EPC2: variants seen among roughly 807,000 people sequenced by gnomAD.
The protein encoded by EPC2 is enhancer of polycomb 2.
A neutral mutation model predicts 92.1 loss-of-function variants in EPC2; 14 were observed. That is an observed-to-expected ratio of 0.15 (90% CI 0.10 to 0.24). EPC2 has a LOEUF of 0.24. Ranked by LOEUF, EPC2 falls within the 10% of genes least tolerant of loss-of-function variation. The pLI, the probability that EPC2 is intolerant of heterozygous loss-of-function variation, is 1.00. For synonymous variants in EPC2, 340 were observed against 334.7 expected, an observed-to-expected ratio of 1.02 and a Z score of -0.17; for missense variants, 755 against 971.5, an observed-to-expected ratio of 0.78 and a Z score of 2.96.
At position 148,750,710 on chromosome 2, in the gene EPC2, G is replaced by T. The variant is rs184948924; in HGVS notation, c.460-3217G>T. ...TTAGAATCATAATTTCAGTGTGTTG[G>T]TTTTGAGCTGTGGTCATTCATTCTT... On this transcript the variant is annotated intron_variant, in intron 3 of 13. Transcript: ENST00000258484. Among the ~76,000 whole-genome samples the T allele has an allele frequency of 1.2e-3, 184 of 152,134 alleles. 3 individuals carry two copies. The highest frequency in any genetic ancestry group is 4.1e-3 in the African/African-American group (170 of 41,502).
chr2:148,781,994 A>G (rs1233280134), intron 11 of EPC2, among the ~76,000 whole-genome samples: 1 of 152,156 alleles, frequency 6.6e-6, no homozygotes, highest in Non-Finnish European at 1.5e-5. Flanking sequence ...GGAGCCAAAT[A>G]TGGTATTTTA....
chr2:148,645,884 G>A lies in EPC2; in HGVS notation c.153+714G>A, dbSNP rs961771500. On this transcript the variant is annotated intron_variant, in intron 1 of 13. Transcript: ENST00000258484. ...GTTAGAGAGGAGCCGGGGATGCCCG[G>A]AAGCGAGCCGCCGGCGTTGCGTTGT... 2.0e-4 allele frequency among the ~76,000 whole-genome samples: 31 copies of A among 152,264 alleles called. 1 individual carries two copies. Among genetic ancestry groups the A allele is most frequent in the Non-Finnish European group, 1.5e-4 (10 of 68,046 alleles).
chr2:148,713,155 T>C (rs1682187280), intron 2 of EPC2, among the ~76,000 whole-genome samples: 1 of 152,216 alleles, frequency 6.6e-6, no homozygotes, highest in African/African-American at 2.4e-5. Flanking sequence ...TCAAAAATTG[T>C]AAAACAGCCT....
rs188263470 is a variant in EPC2 at position 148,737,174 on chromosome 2, C to G, written c.314-6448C>G. On this transcript the variant is annotated intron_variant, in intron 2 of 13. Coordinates refer to ENST00000258484, the MANE Select transcript of EPC2 (RefSeq NM_015630.4). ...TTTTGCTTTTATTTCTTAGGGTATT[C>G]CCACTAGAAATGTACAGTCACTTTA... is the stretch of plus-strand genomic sequence containing the variant. Among the ~76,000 whole-genome samples, 343 of 152,202 alleles carry G rather than the reference C, an allele frequency of 2.3e-3. 2 individuals are homozygous for G. The highest frequency in any genetic ancestry group is 7.3e-3 in the African/African-American group (305 of 41,534).
chr2:148,736,010 G>C (rs1017001934), intron 2 of EPC2, among the ~76,000 whole-genome samples: 4 of 152,116 alleles, frequency 2.6e-5, no homozygotes, highest in Non-Finnish European at 5.9e-5. Context: ...AATTGAGAAA[G>C]AGGAAGGTTC....
At chr2:148,703,262 G>A (rs1681924421) in intron 2 of EPC2, among the ~76,000 whole-genome samples, 1 of 151,908 alleles carries the variant, frequency 6.6e-6, no homozygotes, top group South Asian at 2.1e-4. Flanking sequence ...GAAAGCTTCT[G>A]TCCTATTTTT....
intron 10 of EPC2, among the ~76,000 whole-genome samples, chr2:148,779,353 A>G (rs1317420835): frequency 6.6e-6 from 1 of 152,180 alleles, no homozygotes; most frequent in Non-Finnish European, 1.5e-5. Flanking sequence ...AGACTGAGGC[A>G]GGAAGATCAT....
intron 1 of EPC2, among the ~76,000 whole-genome samples, chr2:148,689,640 A>G (rs999903113): frequency 6.6e-6 from 1 of 152,140 alleles, no homozygotes; most frequent in Non-Finnish European, 1.5e-5. Flanking sequence ...TTAGGAGGCT[A>G]TTTCAGTAAG....
intron 2 of EPC2, among the ~76,000 whole-genome samples, chr2:148,694,114 C>T (rs1462185348): frequency 1.3e-5 from 2 of 152,212 alleles, no homozygotes; most frequent in Middle Eastern, 6.8e-3. Context: ...ATGGCATTTT[C>T]GAGCCATCAG....
intron 2 of EPC2, among the ~76,000 whole-genome samples, chr2:148,691,007 GTCT>G (rs1383351625): frequency 2.0e-5 from 3 of 152,144 alleles, no homozygotes; most frequent in African/African-American, 7.2e-5. Context: ...CCCAGGAGTA[GTCT>G]TCTGAAATTT....
intron 2 of EPC2, chr2:148,692,015 C>G (rs1681654764): frequency 2.9e-6 from 1 of 346,118 alleles, no homozygotes. Context: ...GTCATATTCT[C>G]TAGTATGAAT....
At chr2:148,764,884 G>A in intron 6 of EPC2, 71 bp from the exon 7 acceptor site, 1 of 1,166,630 alleles carries the variant, frequency 8.6e-7, no homozygotes, top group East Asian at 2.9e-5. Context: ...TCAAAGAGCA[G>A]TATAGTTTTT....
chr2:148,646,996 G>A (rs1307590921), intron 1 of EPC2, among the ~76,000 whole-genome samples: 2 of 152,062 alleles, frequency 1.3e-5, no homozygotes, highest in African/African-American at 4.8e-5. Context: ...TGTAATACCA[G>A]CTACTCGGGA....
chr2:148,647,387 A>G lies in EPC2; in HGVS notation c.153+2217A>G, dbSNP rs537199721. Among the ~76,000 whole-genome samples, 101 of 152,162 alleles carry G rather than the reference A, an allele frequency of 6.6e-4. 1 individual carries two copies. Among genetic ancestry groups the G allele is most frequent in the African/African-American group, 2.4e-3 (99 of 41,540 alleles). On this transcript the variant is annotated intron_variant, in intron 1 of 13. Coordinates refer to ENST00000258484, the MANE Select transcript of EPC2 (RefSeq NM_015630.4). ...CAATGGCGCGATCTCGGCTCACTGCAACCTCCGCCTACCAGGTTCAGGTGA... is the reference window on the plus strand; with the variant it reads ...CAATGGCGCGATCTCGGCTCACTGCGACCTCCGCCTACCAGGTTCAGGTGA...
At chr2:148,681,597 C>G (rs1021451123) in intron 1 of EPC2, among the ~76,000 whole-genome samples, 10 of 152,086 alleles carry the variant, frequency 6.6e-5, no homozygotes, top group Non-Finnish European at 1.0e-4. Flanking sequence ...TTTTTACATT[C>G]AGTACTCTCT....
chr2:148,736,395 G>A (rs967223149), intron 2 of EPC2, among the ~76,000 whole-genome samples: 1 of 152,072 alleles, frequency 6.6e-6, no homozygotes, highest in Non-Finnish European at 1.5e-5. Flanking sequence ...AAACTAAAAT[G>A]TGGTAGGGTT....
intron 1 of EPC2, among the ~76,000 whole-genome samples, chr2:148,687,082 G>A (rs1163162574): frequency 6.6e-6 from 1 of 152,172 alleles, no homozygotes; most frequent in Non-Finnish European, 1.5e-5. Flanking sequence ...ACCTTCATCA[G>A]TGATCTTAAC....
At chr2:148,652,662 G>C (rs898665678) in intron 1 of EPC2, among the ~76,000 whole-genome samples, 12 of 151,842 alleles carry the variant, frequency 7.9e-5, no homozygotes, top group African/African-American at 2.7e-4. Context: ...ATTATAATTA[G>C]ATGAAAAGAA....
intron 2 of EPC2, among the ~76,000 whole-genome samples, chr2:148,736,822 G>A (rs1305404539): frequency 3.9e-5 from 6 of 151,934 alleles, no homozygotes; most frequent in African/African-American, 1.2e-4. Context: ...TTTCAGGGCC[G>A]CACACGATGG....
Sources: gnomAD v4.1 joint callset for allele counts (sites outside exome capture counted in the v4.1 genomes callset) on GRCh38, gnomAD v4.1.1 for gene constraint, MANE v1.5 for transcripts, NCBI Gene and HGNC (gene_info 2026-07-23, HGNC 2026-07-21) for gene names.